Variants in DPYSL2 observed in about 807,000 individuals in gnomAD.
DPYSL2 encodes the protein dihydropyrimidinase-related protein 2.
Under a neutral mutation model 69.9 loss-of-function variants are expected in DPYSL2, and 13 were observed. The ratio of observed to expected loss-of-function variants is 0.19; its 90% confidence interval spans 0.12 to 0.30. DPYSL2 has a LOEUF of 0.30. Among genes scored for constraint, DPYSL2 ranks in the 10% least tolerant of loss-of-function variants. DPYSL2 has a pLI of 1.00. For synonymous variants in DPYSL2, 326 were observed against 359.1 expected (o/e 0.91, Z 1.04); for missense variants, 587 against 918.9 (o/e 0.64, Z 4.67).
Position 26,641,813 on chromosome 8 carries a change from G to A in DPYSL2, c.1127-1626G>A, listed in dbSNP as rs549851207. Among the ~76,000 whole-genome samples, 2 of 152,302 alleles carry A rather than the reference G, an allele frequency of 1.3e-5. No homozygotes were observed. Among genetic ancestry groups the A allele is most frequent in the Non-Finnish European group, 2.9e-5 (2 of 68,034 alleles). Reference sequence around the variant, plus strand: ...GGCCTGGAGTGAGCTGCCTGCTGTGGCCTCCAGCACTCCCCAGCTGAACAG... The same window carrying A: ...GGCCTGGAGTGAGCTGCCTGCTGTGACCTCCAGCACTCCCCAGCTGAACAG... On this transcript the variant is annotated intron_variant, in intron 8 of 13. Transcript: ENST00000521913. This position sits in a 1 kb window ranked among gnomAD's most constrained non-coding sequence, Gnocchi z 4.1.
chr8:26,556,139 A>AG (rs1563384859), intron 1 of DPYSL2, among the ~76,000 whole-genome samples: 296 of 3,284 alleles, frequency 0.09, 26 homozygotes, highest in South Asian at 0.27. Flanking sequence ...TATATACTAT[A>AG]TATAGTATAT....
chr8:26,556,192 T>TATA (rs370573016), intron 1 of DPYSL2, among the ~76,000 whole-genome samples: 1 of 9,026 alleles, frequency 1.1e-4, no homozygotes. Flanking sequence ...ACTATATATA[T>TATA]TATATATACT....
intron 1 of DPYSL2, among the ~76,000 whole-genome samples, chr8:26,543,358 C>T (rs116029515): frequency 2.3e-3 from 357 of 152,308 alleles, no homozygotes; most frequent in African/African-American, 7.9e-3. Flanking sequence ...CCTTCTGCTC[C>T]TCTGCTGCCT....
rs547071679 is a variant in DPYSL2 at position 26,599,359 on chromosome 8, T to C, written c.628+15376T>C. 1.2e-4 allele frequency among the ~76,000 whole-genome samples: 18 copies of C among 152,320 alleles called. No individual in the cohort carries two copies. In the South Asian group the frequency reaches 3.7e-3, roughly 32 times the overall value. ...GACTTGTAGGATTTCTGTCCATGAT[T>C]GTGTCTGAAATGTCATTTTTTCTGG... On this transcript the variant is annotated intron_variant, in intron 3 of 13. Transcript: ENST00000521913.
At chr8:26,539,992 A>T (rs574846772) in intron 1 of DPYSL2, among the ~76,000 whole-genome samples, 1 of 152,348 alleles carries the variant, frequency 6.6e-6, no homozygotes, top group South Asian at 2.1e-4. Flanking sequence ...CACCAAAAGG[A>T]CACAATAATT....
intron 1 of DPYSL2, among the ~76,000 whole-genome samples, chr8:26,538,445 C>T (rs1800630810): frequency 6.6e-6 from 1 of 152,252 alleles, no homozygotes; most frequent in African/African-American, 2.4e-5. Flanking sequence ...GTACCAAGAG[C>T]GATCCCTTGG....
intron 1 of DPYSL2, among the ~76,000 whole-genome samples, chr8:26,519,115 T>C (rs1808343638): frequency 6.6e-6 from 1 of 152,334 alleles, no homozygotes; most frequent in African/African-American, 2.4e-5. Flanking sequence ...CACAAACTCA[T>C]GGCTCTATAC....
At chr8:26,584,909 G>A (rs1052269908) in intron 3 of DPYSL2, among the ~76,000 whole-genome samples, 4 of 152,192 alleles carry the variant, frequency 2.6e-5, no homozygotes, top group East Asian at 3.9e-4. Context: ...ATGAGCCACC[G>A]TGCCTGGCCG....
At chr8:26,529,382 T>G (rs1447130584) in intron 1 of DPYSL2, among the ~76,000 whole-genome samples, 1 of 152,058 alleles carries the variant, frequency 6.6e-6, no homozygotes, top group African/African-American at 2.4e-5. Flanking sequence ...CAGGCTGCAG[T>G]GCAGTGATGT....
intron 3 of DPYSL2, among the ~76,000 whole-genome samples, chr8:26,606,786 T>G (rs1460307946): frequency 6.6e-6 from 1 of 152,234 alleles, no homozygotes; most frequent in Non-Finnish European, 1.5e-5. Context: ...TTTATTTAAT[T>G]TCTTTTATAT....
Position 26,603,320 on chromosome 8 carries a change from C to G in DPYSL2, c.628+19337C>G, listed in dbSNP as rs946986729. On this transcript the variant is annotated intron_variant, in intron 3 of 13. Coordinates refer to ENST00000521913, the MANE Select transcript of DPYSL2 (RefSeq NM_001197293.3). Reference sequence around the variant, plus strand: ...TCTGAGTAGCTGAGACTACAGGTGTCCACCACCACACCCGGCTAATTTTTG... The same window carrying G: ...TCTGAGTAGCTGAGACTACAGGTGTGCACCACCACACCCGGCTAATTTTTG... Among the ~76,000 whole-genome samples, 5 of 152,174 alleles carry G rather than the reference C, an allele frequency of 3.3e-5. No homozygotes were observed. In the East Asian group the frequency reaches 9.7e-4, roughly 30 times the overall value.
chr8:26,543,572 C>T (rs1800718421), intron 1 of DPYSL2, among the ~76,000 whole-genome samples: 1 of 151,734 alleles, frequency 6.6e-6, no homozygotes, highest in South Asian at 2.1e-4. Context: ...ACTACAACCT[C>T]TGCCTCCAGG....
At chr8:26,556,673 T>G (rs1024857076) in intron 1 of DPYSL2, among the ~76,000 whole-genome samples, 2 of 151,954 alleles carry the variant, frequency 1.3e-5, no homozygotes, top group African/African-American at 2.4e-5. Flanking sequence ...TGTCATGATC[T>G]TCCCGGTTTG....
intron 3 of DPYSL2, among the ~76,000 whole-genome samples, chr8:26,589,285 T>C (rs1373185939): frequency 6.6e-6 from 1 of 152,236 alleles, no homozygotes; most frequent in Admixed American, 6.5e-5. Flanking sequence ...GGCTGCTGTG[T>C]GGCCTCTTCG....
At chr8:26,568,209 C>G (rs1025421618) in intron 1 of DPYSL2, among the ~76,000 whole-genome samples, 2 of 152,154 alleles carry the variant, frequency 1.3e-5, no homozygotes, top group African/African-American at 4.8e-5. Context: ...GGAGGGAGAC[C>G]AGTCGTTGGG....
rs927060805 is a variant in DPYSL2 at position 26,605,359 on chromosome 8, C to T, written c.629-18784C>T. Among the ~76,000 whole-genome samples, 13 of 151,984 alleles carry T rather than the reference C, an allele frequency of 8.6e-5. No individual in the cohort carries two copies. The highest frequency in any genetic ancestry group is 7.4e-5 in the Non-Finnish European group (5 of 67,984). On this transcript the variant is annotated intron_variant, in intron 3 of 13. Transcript: ENST00000521913. The surrounding 1 kb of genome is among the most constrained non-coding windows in gnomAD (Gnocchi z 4.1). ...GGAGTGCAGTGGTGTGAACTCGGCT[C>T]ACTGCAACCTCCAGCTCCCGGGTTC...
chr8:26,537,188 A>G (rs745856762), intron 1 of DPYSL2, among the ~76,000 whole-genome samples: 7 of 152,198 alleles, frequency 4.6e-5, no homozygotes, highest in Non-Finnish European at 1.0e-4. Flanking sequence ...TATTACTGCC[A>G]TTATCATTAT....
At chr8:26,534,833 A>G (rs576392772) in intron 1 of DPYSL2, among the ~76,000 whole-genome samples, 2 of 152,084 alleles carry the variant, frequency 1.3e-5, no homozygotes, top group African/African-American at 2.4e-5. Context: ...GATGGGGTCT[A>G]TGTTGTCCAA....
intron 1 of DPYSL2, among the ~76,000 whole-genome samples, chr8:26,542,454 C>T (rs1353065243): frequency 6.6e-6 from 1 of 151,678 alleles, no homozygotes; most frequent in Non-Finnish European, 1.5e-5. Context: ...GGCAGTCTTG[C>T]TCTGTTGCCC....
Sources: gnomAD v4.1 joint callset for allele counts (sites outside exome capture counted in the v4.1 genomes callset) on GRCh38, gnomAD v4.1.1 for gene constraint, Gnocchi (gnomAD v3.1) non-coding constraint, MANE v1.5 for transcripts, NCBI Gene and HGNC (gene_info 2026-07-23, HGNC 2026-07-21) for gene names.